IQUB: variants seen among roughly 807,000 people sequenced by gnomAD.
The protein encoded by IQUB is IQ motif and ubiquitin-like domain-containing protein.
A neutral mutation model predicts 86.4 loss-of-function variants in IQUB; 86 were observed. The ratio of observed to expected loss-of-function variants is 1.00; its 90% CI spans 0.84 to 1.19. IQUB has a LOEUF of 1.19. Among genes scored for constraint, IQUB ranks in the 50% most tolerant of loss-of-function variants. The pLI is 0.00. For missense variants in IQUB, 946 were observed against 916.9 expected, an observed-to-expected ratio of 1.03 and a Z score of -0.41; for synonymous variants, 289 against 304.5, an observed-to-expected ratio of 0.95 and a Z score of 0.53.
Position 123,496,712 on chromosome 7 carries a change from A to C in IQUB, c.1218T>G (p.Leu406=), listed in dbSNP as rs1261792535. Residue 406 remains leucine (L), a synonymous_variant, in exon 7 of 13, where the codon CTT becomes CTG. Coordinates refer to ENST00000324698, the MANE Select transcript of IQUB (RefSeq NM_178827.5). ...CCAACTTACATTCTAATGCATTATA[A>C]AGAAATTCAAAATCTTCATTTGTTT... The part of the protein sequence containing the change: ...NPKTNEDFEF[L]YNALEFWRQE... 2 of 1,601,334 alleles carry C rather than the reference A, an allele frequency of 1.2e-6. No individual in the cohort carries two copies. Among genetic ancestry groups the C allele is most frequent in the Admixed American group, 1.7e-5 (1 of 58,676 alleles).
intron 3 of IQUB, 90 bp downstream of exon 3, chr7:123,509,811 A>G: frequency 2.0e-5 from 22 of 1,106,952 alleles, no homozygotes; most frequent in Non-Finnish European, 2.9e-5. Context: ...ATTAGTACCA[A>G]GATATTTAGT....
chr7:123,496,710 T>C lies in IQUB; in HGVS notation c.1220A>G (p.Tyr407Cys), dbSNP rs567499713. The change falls in exon 7 of 13, where the codon TAT (tyrosine) becomes TGT (cysteine). Residue 407 changes from tyrosine to cysteine, a missense_variant. Transcript: ENST00000324698. ...PKTNEDFEFL[Y>C]NALEFWRQEE... Reference sequence around the variant, plus strand: ...GTCCAACTTACATTCTAATGCATTATAAAGAAATTCAAAATCTTCATTTGT... The same window carrying C: ...GTCCAACTTACATTCTAATGCATTACAAAGAAATTCAAAATCTTCATTTGT... The C allele has an allele frequency of 9.4e-6, 15 of 1,598,650 alleles. No homozygotes were observed. Among genetic ancestry groups the C allele is most frequent in the South Asian group, 5.6e-5 (5 of 89,272 alleles).
chr7:123,513,407 A>G (rs1247642668), intron 1 of IQUB, among the ~76,000 whole-genome samples: 2 of 152,214 alleles, frequency 1.3e-5, no homozygotes, highest in Admixed American at 6.5e-5. Context: ...ACTAAAAGCC[A>G]TGGAAAAGAA....
rs780196536 is a variant in IQUB, at chr7:123,503,373, G to C, written c.533-10C>G. 3 of 1,423,700 alleles carry C rather than the reference G, an allele frequency of 2.1e-6. No homozygotes were observed. Among genetic ancestry groups the C allele is most frequent in the Admixed American group, 4.7e-5 (2 of 42,484 alleles). 88.2% of individuals were successfully genotyped at this position (1,423,700 alleles called of 1,614,324 possible). ...TTTTTAAGAATTTTTCCTAAAAATT[G>C]AAATAAAATTTTTAAAAGTTTTATG... On this transcript the variant is annotated splice_polypyrimidine_tract_variant and intron_variant, in intron 3 of 12. Coordinates refer to ENST00000324698, the MANE Select transcript of IQUB (RefSeq NM_178827.5).
intron 1 of IQUB, among the ~76,000 whole-genome samples, chr7:123,525,486 C>T (rs1329334432): frequency 1.4e-4 from 21 of 152,146 alleles, no homozygotes; most frequent in South Asian, 8.3e-4. Flanking sequence ...AGTTTATTTG[C>T]GTAGAGGTGT....
chr7:123,525,434 G>A (rs1797148188), intron 1 of IQUB, among the ~76,000 whole-genome samples: 1 of 152,148 alleles, frequency 6.6e-6, no homozygotes. Context: ...TCTTGGGAGA[G>A]TGTATGTGTC....
chr7:123,528,121 C>T (rs1407175436), intron 1 of IQUB, among the ~76,000 whole-genome samples: 1 of 152,222 alleles, frequency 6.6e-6, no homozygotes, highest in African/African-American at 2.4e-5. Flanking sequence ...GGAAAGGGAA[C>T]TCCCTGACCC....
intron 1 of IQUB, among the ~76,000 whole-genome samples, chr7:123,528,648 T>C (rs1325698040): frequency 7.2e-5 from 11 of 152,012 alleles, no homozygotes; most frequent in Admixed American, 1.3e-4. Flanking sequence ...TAGAAACTGA[T>C]CTCCCTGCAG....
intron 9 of IQUB, 149 bp downstream of exon 9, chr7:123,469,065 T>C: frequency 2.1e-6 from 1 of 470,122 alleles, no homozygotes; most frequent in South Asian, 6.8e-5. Flanking sequence ...TTGAGAACTT[T>C]TAGGTAAATA....
Position 123,464,818 on chromosome 7 carries a change from A to G in IQUB, c.1758+15T>C. 1 of 1,509,296 alleles carries G rather than the reference A, an allele frequency of 6.6e-7. No homozygotes were observed. The highest frequency in any genetic ancestry group is 8.9e-7 in the Non-Finnish European group (1 of 1,120,124). 93.5% of individuals were successfully genotyped at this position (1,509,296 alleles called of 1,614,324 possible). On this transcript the variant is annotated intron_variant, in intron 10 of 12. Coordinates refer to ENST00000324698, the MANE Select transcript of IQUB (RefSeq NM_178827.5). Reference sequence around the variant, plus strand: ...AGGATTTTGAAACAGGAATATAGAGAAAAATGTAGAATACCTTAAGGTATT... The same window carrying G: ...AGGATTTTGAAACAGGAATATAGAGGAAAATGTAGAATACCTTAAGGTATT...
chr7:123,505,561 C>T (rs1584621361), intron 3 of IQUB, among the ~76,000 whole-genome samples: 3 of 152,200 alleles, frequency 2.0e-5, no homozygotes, highest in Non-Finnish European at 4.4e-5. Flanking sequence ...CTTATGGCTT[C>T]CACCCTCTGG....
intron 1 of IQUB, among the ~76,000 whole-genome samples, chr7:123,530,465 AAACAAC>A (rs369535882): frequency 1.3e-5 from 2 of 151,980 alleles, no homozygotes; most frequent in Admixed American, 6.6e-5. Flanking sequence ...AAACAACAAC[AAACAAC>A]AACAACAACA....
chr7:123,467,529 C>G (rs1038908806), intron 9 of IQUB, among the ~76,000 whole-genome samples: 1 of 152,166 alleles, frequency 6.6e-6, no homozygotes, highest in African/African-American at 2.4e-5. Context: ...GACCCAGGAT[C>G]CTGTGAGAGT....
At position 123,457,406 on chromosome 7, in the gene IQUB, T is replaced by A; in HGVS notation, c.2168A>T (p.His723Leu). 2 of 1,612,000 alleles carry A rather than the reference T, an allele frequency of 1.2e-6. No homozygotes were observed. Among genetic ancestry groups the A allele is most frequent in the Non-Finnish European group, 1.7e-6 (2 of 1,178,896 alleles). Residue 723 changes from histidine to leucine, a missense_variant, in exon 12 of 13, where the codon CAT becomes CTT. Transcript: ENST00000324698. Reference sequence around the variant, plus strand: ...CTCTTCAATACTTGTTAGCTTGAGATGAGCAGCTGCTTCATCTTTGGTAAG... The same window carrying A: ...CTCTTCAATACTTGTTAGCTTGAGAAGAGCAGCTGCTTCATCTTTGGTAAG... ...ILLTKDEAAA[H>L]LKLTSIEEGY... is the part of the protein sequence containing the mutation.
chr7:123,524,198 G>C (rs1327501287), intron 1 of IQUB, among the ~76,000 whole-genome samples: 1 of 148,018 alleles, frequency 6.8e-6, no homozygotes, highest in Non-Finnish European at 1.5e-5. Flanking sequence ...CTCTTTTTTG[G>C]TTCCATATGA....
chr7:123,477,321 A>G (rs1794791717), intron 8 of IQUB, among the ~76,000 whole-genome samples: 1 of 152,220 alleles, frequency 6.6e-6, no homozygotes, highest in Non-Finnish European at 1.5e-5. Flanking sequence ...CAAACCTGAC[A>G]AAAACAAGAA....
intron 12 of IQUB, among the ~76,000 whole-genome samples, chr7:123,454,642 T>G (rs1793607293): frequency 6.6e-6 from 1 of 152,146 alleles, no homozygotes; most frequent in South Asian, 2.1e-4. Flanking sequence ...TAAACTATGT[T>G]CACAAATTCT....
chr7:123,498,730 GGAAAAGGAACAAAGAGCATTTT>G (rs1795814165), intron 6 of IQUB, among the ~76,000 whole-genome samples: 1 of 152,128 alleles, frequency 6.6e-6, no homozygotes, highest in Admixed American at 6.6e-5. Context: ...GTAAATAGAG[GGAAAAGGAACAAAGAGCATTTT>G]AAGAATGATA....
At chr7:123,523,262 C>T (rs1022529376) in intron 1 of IQUB, among the ~76,000 whole-genome samples, 1 of 141,646 alleles carries the variant, frequency 7.1e-6, no homozygotes, top group African/African-American at 2.6e-5. Context: ...GTTCTAGATC[C>T]CTGAGGAATC....
Sources: allele counts gnomAD v4.1 joint callset (sites outside exome capture counted in the v4.1 genomes callset), GRCh38; gene constraint gnomAD v4.1.1; transcripts MANE v1.5; gene names NCBI Gene and HGNC (gene_info 2026-07-23, HGNC 2026-07-21).